The following NCKAP5 variants were observed in gnomAD, a reference collection of about 807,000 sequenced individuals.
NCKAP5 encodes NCK associated protein 5.
Under a neutral mutation model 167.0 loss-of-function variants are expected in NCKAP5, and 92 were observed. The ratio of observed to expected loss-of-function variants is 0.55; its 90% CI spans 0.47 to 0.66. NCKAP5 has a LOEUF of 0.66. Among genes scored for constraint, NCKAP5 ranks in the 30% least tolerant of loss-of-function variants. The pLI is 0.00. For missense variants in NCKAP5, 2,378 were observed against 2,315.0 expected, an observed-to-expected ratio of 1.03 and a Z score of -0.56; for synonymous variants, 891 against 877.4, an observed-to-expected ratio of 1.02 and a Z score of -0.27.
At chr2:133,294,585 G>A (rs1488050851) in intron 4 of NCKAP5, among the ~76,000 whole-genome samples, 1 of 152,204 alleles carries the variant, frequency 6.6e-6, no homozygotes, top group Non-Finnish European at 1.5e-5. Flanking sequence ...GAGCTGGAGG[G>A]AACGTTAGAG....
intron 3 of NCKAP5, among the ~76,000 whole-genome samples, chr2:133,483,630 G>T (rs773267787): frequency 3.3e-5 from 5 of 150,630 alleles, no homozygotes; most frequent in South Asian, 2.1e-4. Context: ...AAAAAAAAGG[G>T]GGGGGGGCTT....
At chr2:133,066,172 G>C (rs1314853217) in intron 6 of NCKAP5, among the ~76,000 whole-genome samples, 1 of 152,102 alleles carries the variant, frequency 6.6e-6, no homozygotes, top group African/African-American at 2.4e-5. Flanking sequence ...GAAATCTGGA[G>C]GTTTAGTACA....
intron 3 of NCKAP5, among the ~76,000 whole-genome samples, chr2:133,323,511 G>A (rs1208320749): frequency 1.3e-5 from 2 of 152,210 alleles, no homozygotes; most frequent in African/African-American, 2.4e-5. Context: ...GGGTTAAAGA[G>A]GAGAGAATGA....
chr2:133,315,297 T>C (rs779901744), intron 3 of NCKAP5, among the ~76,000 whole-genome samples: 1 of 152,124 alleles, frequency 6.6e-6, no homozygotes, highest in Non-Finnish European at 1.5e-5. Flanking sequence ...GTTTCGAAGA[T>C]GGAGGTAACA....
intron 4 of NCKAP5, among the ~76,000 whole-genome samples, chr2:133,230,060 C>T (rs2087072979): frequency 6.6e-6 from 1 of 152,130 alleles, no homozygotes; most frequent in African/African-American, 2.4e-5. Context: ...TTGTTTTGAG[C>T]AATAAATCAT....
At chr2:132,691,500 A>C (rs139488397) in intron 19 of NCKAP5, among the ~76,000 whole-genome samples, 5 of 152,036 alleles carry the variant, frequency 3.3e-5, no homozygotes, top group Admixed American at 1.3e-4. Flanking sequence ...GGGCCTTTGC[A>C]CTTGCTATAC....
At position 132,986,225 on chromosome 2, in the gene NCKAP5, A is replaced by T. The variant is rs180859412; in HGVS notation, c.429+7927T>A. Among the ~76,000 whole-genome samples, 714 of 152,308 alleles carry T rather than the reference A, an allele frequency of 4.7e-3. 4 individuals carry two copies. Among genetic ancestry groups the T allele is most frequent in the African/African-American group, 0.016 (678 of 41,586 alleles). On this transcript the variant is annotated intron_variant, in intron 7 of 19. Transcript: ENST00000409261. ...AAAAATCAGTATAGATGAATATAGC[A>T]TGTGCTGGAGTGAGACTTTGGGCTG...
chr2:132,948,013 C>A (rs758077137), intron 8 of NCKAP5, among the ~76,000 whole-genome samples: 4 of 152,178 alleles, frequency 2.6e-5, no homozygotes, highest in Non-Finnish European at 5.9e-5. Flanking sequence ...TTCTCTGAAC[C>A]AACTTCTCAG....
the NCKAP5 span, among the ~76,000 whole-genome samples, chr2:133,653,926 T>G: frequency 1.3e-5 from 2 of 152,310 alleles, no homozygotes; most frequent in African/African-American, 2.4e-5. Context: ...AGTATTGTTA[T>G]TATTACAATT....
chr2:133,057,203 A>G (rs961509025), intron 6 of NCKAP5, among the ~76,000 whole-genome samples: 9 of 152,234 alleles, frequency 5.9e-5, no homozygotes, highest in African/African-American at 2.2e-4. Flanking sequence ...CTCTCTCCTC[A>G]GGCCTCCCAA....
chr2:133,464,499 C>T (rs531350397), intron 3 of NCKAP5, among the ~76,000 whole-genome samples: 1 of 152,262 alleles, frequency 6.6e-6, no homozygotes, highest in East Asian at 1.9e-4. Context: ...ACCATCCCGG[C>T]TAACACGGTG....
chr2:133,447,008 G>A (rs554515865), intron 3 of NCKAP5, among the ~76,000 whole-genome samples: 3 of 152,246 alleles, frequency 2.0e-5, no homozygotes, highest in East Asian at 1.9e-4. Context: ...GAGGAAGATC[G>A]CTCAGGCAAG....
intron 19 of NCKAP5, among the ~76,000 whole-genome samples, chr2:132,692,004 C>CTT (rs1686786859): frequency 6.6e-6 from 1 of 152,198 alleles, no homozygotes; most frequent in South Asian, 2.1e-4. Context: ...CTTTCTTTAC[C>CTT]TCTTACAAAA....
At chr2:133,008,901 T>G (rs1390448212) in intron 6 of NCKAP5, among the ~76,000 whole-genome samples, 1 of 152,228 alleles carries the variant, frequency 6.6e-6, no homozygotes, top group African/African-American at 2.4e-5. Context: ...TAGAAATTTT[T>G]CTGCCAGCAG....
At chr2:133,131,109 A>G (rs971071609) in intron 5 of NCKAP5, among the ~76,000 whole-genome samples, 9 of 152,330 alleles carry the variant, frequency 5.9e-5, no homozygotes, top group Admixed American at 2.0e-4. Flanking sequence ...TATTCACAGG[A>G]AGTGATAGCA....
chr2:132,673,040 C>A lies in NCKAP5; in HGVS notation c.*249G>T. 3 of 1,038,972 alleles carry A rather than the reference C, an allele frequency of 2.9e-6. No homozygotes were observed. The highest frequency in any genetic ancestry group is 8.6e-5 in the South Asian group (2 of 23,348). The allele number at this position is 1,038,972 out of a possible 1,614,324, so 64.4% of individuals were successfully genotyped here. ...AGATGTCCTTTATACATCATTTGAA[C>A]CTTGACTGGCACAGGAAGAGAAGCT... On this transcript the variant is annotated 3_prime_UTR_variant, in exon 20 of 20. Coordinates refer to ENST00000409261, the MANE Select transcript of NCKAP5 (RefSeq NM_207363.3).
chr2:133,334,320 T>C (rs1683069356), intron 3 of NCKAP5, among the ~76,000 whole-genome samples: 2 of 152,156 alleles, frequency 1.3e-5, no homozygotes, highest in South Asian at 4.2e-4. Flanking sequence ...GACATTTCTT[T>C]TGAAAGCTGA....
At chr2:133,128,693 G>A (rs969087907) in intron 6 of NCKAP5, among the ~76,000 whole-genome samples, 12 of 152,060 alleles carry the variant, frequency 7.9e-5, no homozygotes, top group Admixed American at 4.6e-4. Flanking sequence ...CACCTCCTGG[G>A]TTCAAGTGAT....
intron 6 of NCKAP5, among the ~76,000 whole-genome samples, chr2:133,110,765 C>T (rs983840307): frequency 1.3e-5 from 2 of 152,184 alleles, no homozygotes; most frequent in African/African-American, 4.8e-5. Context: ...TTCTCACACG[C>T]TGTGTTAGTT....
Sources: allele counts gnomAD v4.1 joint callset (sites outside exome capture counted in the v4.1 genomes callset), GRCh38; gene constraint gnomAD v4.1.1; transcripts MANE v1.5; gene names NCBI Gene and HGNC (gene_info 2026-07-23, HGNC 2026-07-21).